ATL1: variants seen among roughly 807,000 people sequenced by gnomAD.
The protein encoded by ATL1 is atlastin-1.
ATL1 carries 31 observed loss-of-function variants against 75.5 expected under a neutral mutation model. The ratio of observed to expected loss-of-function variants is 0.41; its 90% confidence interval spans 0.31 to 0.55. The LOEUF is 0.55. ATL1 is among the 20% of genes least tolerant of loss of function. The pLI is 0.27. For missense variants in ATL1, 405 were observed against 662.6 expected (o/e 0.61, Z 4.27); for synonymous variants, 226 against 233.3 (o/e 0.97, Z 0.28).
chr14:50,619,455 G>A (rs1422992367), intron 8 of ATL1, among the ~76,000 whole-genome samples: 2 of 152,118 alleles, frequency 1.3e-5, no homozygotes, highest in East Asian at 1.9e-4. Context: ...CACCTGCCTC[G>A]GCCTCCCAAA....
At chr14:50,589,867 C>T (rs182126137) in intron 2 of ATL1, among the ~76,000 whole-genome samples, 1 of 152,218 alleles carries the variant, frequency 6.6e-6, no homozygotes, top group Admixed American at 6.5e-5. Flanking sequence ...CTCCCAAATT[C>T]CTCTGCATTC....
chr14:50,564,563 C>T (rs1048395527), intron 1 of ATL1, among the ~76,000 whole-genome samples: 2 of 136,564 alleles, frequency 1.5e-5, no homozygotes, highest in African/African-American at 5.4e-5. Flanking sequence ...GCAGGAGAAT[C>T]GCTTGAACCC....
At chr14:50,591,822 T>G in intron 4 of ATL1, 183 bp downstream of exon 4, 1 of 562,154 alleles carries the variant, frequency 1.8e-6, no homozygotes, top group Non-Finnish European at 3.2e-6. Context: ...TTACTGTAGT[T>G]TAATTACTGA....
At chr14:50,632,147 C>A (rs2039587700) in intron 13 of ATL1, 82 bp from the exon 14 acceptor site, 1 of 793,422 alleles carries the variant, frequency 1.3e-6, no homozygotes, top group African/African-American at 1.8e-5. Flanking sequence ...AAATTTTATA[C>A]AGTACGATAA....
At chr14:50,595,668 G>T in intron 6 of ATL1, 36 bp downstream of exon 6, 2 of 1,594,818 alleles carry the variant, frequency 1.3e-6, no homozygotes, top group African/African-American at 2.7e-5. Flanking sequence ...ATTCTTACTA[G>T]ATTTTCCTGA....
At chr14:50,554,401 C>A (rs970230361) in intron 1 of ATL1, among the ~76,000 whole-genome samples, 1 of 152,130 alleles carries the variant, frequency 6.6e-6, no homozygotes, top group Non-Finnish European at 1.5e-5. Flanking sequence ...CATGGCTATA[C>A]TTTATAGGTC....
At chr14:50,575,293 A>G (rs573054267) in intron 1 of ATL1, among the ~76,000 whole-genome samples, 19 of 152,068 alleles carry the variant, frequency 1.2e-4, no homozygotes, top group Non-Finnish European at 2.1e-4. Context: ...GACTGACTCA[A>G]CTTCTTCCAA....
intron 6 of ATL1, among the ~76,000 whole-genome samples, chr14:50,596,682 T>TAGTAAGAAAAG (rs1446419605): frequency 6.6e-6 from 1 of 152,232 alleles, no homozygotes; most frequent in East Asian, 1.9e-4. Context: ...AAGTGCTCAT[T>TAGTAAGAAAAG]TTAAAAAGCA....
chr14:50,629,989 C>T lies in ATL1; in HGVS notation c.1552-6C>T. 1 of 1,591,766 alleles carries T rather than the reference C, an allele frequency of 6.3e-7. No homozygotes were observed. The highest frequency in any genetic ancestry group is 1.1e-5 in the South Asian group (1 of 88,074). On this transcript the variant is annotated splice_polypyrimidine_tract_variant and splice_region_variant and intron_variant, in intron 12 of 13. Transcript: ENST00000358385. Reference sequence around the variant, plus strand: ...CTTTTTTCTTTTTAATCTGCCTTTGCCACAGGGAAGTACAAATGAGGTAAG... The same window carrying T: ...CTTTTTTCTTTTTAATCTGCCTTTGTCACAGGGAAGTACAAATGAGGTAAG...
At chr14:50,572,647 T>A (rs1017162387) in intron 1 of ATL1, among the ~76,000 whole-genome samples, 1 of 152,148 alleles carries the variant, frequency 6.6e-6, no homozygotes, top group Non-Finnish European at 1.5e-5. Context: ...TATTTTATTC[T>A]TTGTAACTTA....
intron 1 of ATL1, among the ~76,000 whole-genome samples, chr14:50,545,707 G>A (rs958467431): frequency 6.6e-6 from 1 of 152,196 alleles, no homozygotes; most frequent in African/African-American, 2.4e-5. Context: ...TATCCATGTC[G>A]GCCCTGGTTG....
At chr14:50,542,213 T>C (rs1435433714) in intron 1 of ATL1, among the ~76,000 whole-genome samples, 1 of 134,918 alleles carries the variant, frequency 7.4e-6, no homozygotes, top group African/African-American at 2.8e-5. Context: ...TTCTCACTCA[T>C]AAGTGAGAGT....
Position 50,595,572 on chromosome 14 carries a change from C to G in ATL1, c.574-4C>G, listed in dbSNP as rs1271951978. 6.2e-7 allele frequency: 1 copy of G among 1,612,444 alleles called. No individual in the cohort carries two copies. Among genetic ancestry groups the G allele is most frequent in the African/African-American group, 1.3e-5 (1 of 74,700 alleles). On this transcript the variant is annotated splice_polypyrimidine_tract_variant and splice_region_variant and intron_variant, in intron 5 of 13. Transcript: ENST00000358385. ...TATGTGTGTGTGTGTAATTTTTTTT[C>G]TAGCTTTTCACTGAGTATGGCAGAC...
chr14:50,623,882 C>G (rs1159522294), intron 11 of ATL1, among the ~76,000 whole-genome samples: 1 of 150,482 alleles, frequency 6.6e-6, no homozygotes, highest in East Asian at 1.9e-4. Context: ...GAAACCCTCT[C>G]TCTACTAAAA....
chr14:50,611,118 G>A (rs887307247), intron 6 of ATL1, among the ~76,000 whole-genome samples: 2 of 152,100 alleles, frequency 1.3e-5, no homozygotes, highest in Middle Eastern at 3.2e-3. Context: ...GATCTCAGTG[G>A]TCATCTTGGC....
Position 50,574,952 on chromosome 14 carries a change from TA to T in ATL1, c.35-12878del, listed in dbSNP as rs1379160166. Among the ~76,000 whole-genome samples the T allele has an allele frequency of 5.1e-3, 673 of 132,086 alleles. 12 individuals carry two copies. Among genetic ancestry groups the T allele is most frequent in the Non-Finnish European group, 8.4e-3 (522 of 61,852 alleles). 86.7% of individuals were successfully genotyped at this position (132,086 alleles called of 152,430 possible). A position where few individuals can be genotyped will look rare whatever the true frequency, so the allele number is the denominator to read the frequency against. Reference sequence around the variant, plus strand: ...GTGTGTGTGTGTATATATATATATATATATATATATATATATATATATATTA... The same window carrying T: ...GTGTGTGTGTGTATATATATATATATTATATATATATATATATATATATTA... On this transcript the variant is annotated intron_variant, in intron 1 of 13. Transcript: ENST00000358385.
chr14:50,620,759 T>C, intron 9 of ATL1, 33 bp downstream of exon 9: 2 of 1,610,336 alleles, frequency 1.2e-6, no homozygotes, highest in Non-Finnish European at 1.7e-6. Flanking sequence ...ATTCGTGGGA[T>C]AGATTTGACA....
chr14:50,583,046 A>C (rs1298981901), intron 1 of ATL1, among the ~76,000 whole-genome samples: 1 of 152,190 alleles, frequency 6.6e-6, no homozygotes, highest in Non-Finnish European at 1.5e-5. Flanking sequence ...CTACACATAG[A>C]ATTTCCTTCA....
At chr14:50,598,152 A>G (rs1368222474) in intron 6 of ATL1, among the ~76,000 whole-genome samples, 3 of 152,198 alleles carry the variant, frequency 2.0e-5, no homozygotes, top group African/African-American at 7.2e-5. Flanking sequence ...ATTAAAGACC[A>G]TAGAGAAAAA....
Sources: allele counts gnomAD v4.1 joint callset (sites outside exome capture counted in the v4.1 genomes callset), GRCh38; gene constraint gnomAD v4.1.1; transcripts MANE v1.5; gene names NCBI Gene and HGNC (gene_info 2026-07-23, HGNC 2026-07-21).